Variants in CPSF4 observed in about 807,000 individuals in gnomAD.
CPSF4 encodes cleavage and polyadenylation specificity factor subunit 4.
Under a neutral mutation model 37.7 loss-of-function variants are expected in CPSF4, and 11 were observed. That is an observed-to-expected ratio of 0.29 (90% CI 0.18 to 0.48). The LOEUF is 0.48. Ranked by LOEUF, CPSF4 falls within the 20% of genes least tolerant of loss-of-function variation. CPSF4 has a pLI of 0.99. For missense variants in CPSF4, 144 were observed against 359.5 expected, an observed-to-expected ratio of 0.40 and a Z score of 4.85; for synonymous variants, 132 against 135.9, an observed-to-expected ratio of 0.97 and a Z score of 0.20.
At position 99,443,897 on chromosome 7, in the gene CPSF4, C is replaced by T. The variant is rs557594093; in HGVS notation, c.104-892C>T. On this transcript the variant is annotated intron_variant, in intron 1 of 7. Coordinates refer to ENST00000292476, the MANE Select transcript of CPSF4 (RefSeq NM_006693.4). ...TCGCACCACCACACTCTAGCCTGGG[C>T]GACAGAGCGAGACTCTGTCTCAAAA... Among the ~76,000 whole-genome samples the T allele has an allele frequency of 1.6e-4, 24 of 151,858 alleles. No individual in the cohort carries two copies. The South Asian group carries it at 2.1e-3, about 13-fold the overall frequency.
chr7:99,454,636 G>A (rs1798177368), intron 7 of CPSF4, among the ~76,000 whole-genome samples: 1 of 152,204 alleles, frequency 6.6e-6, no homozygotes, highest in Admixed American at 6.5e-5. Context: ...GGCTCTGTGG[G>A]AAGCGGGGAA....
At chr7:99,441,775 C>G (rs1056132473) in intron 1 of CPSF4, among the ~76,000 whole-genome samples, 1 of 152,240 alleles carries the variant, frequency 6.6e-6, no homozygotes, top group Admixed American at 6.5e-5. Flanking sequence ...TCACTGCAAC[C>G]TCTGCCTCTG....
Position 99,453,602 on chromosome 7 carries a change from AG to A in CPSF4, c.571-362del, listed in dbSNP as rs1376288983. 48 of 179,516 alleles carry A rather than the reference AG, an allele frequency of 2.7e-4. No individual in the cohort carries two copies. The Admixed American group carries it at 3.0e-3, about 11-fold the overall frequency. 11.1% of individuals were successfully genotyped at this position (179,516 alleles called of 1,614,324 possible). A position where few individuals can be genotyped will look rare whatever the true frequency, so the allele number is the denominator to read the frequency against. On this transcript the variant is annotated intron_variant, in intron 6 of 7. Transcript: ENST00000292476. This position sits in a 1 kb window ranked among gnomAD's most constrained non-coding sequence, Gnocchi z 4.7. ...TTTTTCTGTGACTTGCTCGCCGTGTAGGCTGCTAAACATCTGGCTGAACCAA... is the reference window on the plus strand; with the variant it reads ...TTTTTCTGTGACTTGCTCGCCGTGTAGCTGCTAAACATCTGGCTGAACCAA...
At chr7:99,441,406 G>A in intron 1 of CPSF4, 1 of 456,266 alleles carries the variant, frequency 2.2e-6, no homozygotes, top group South Asian at 1.5e-5. Flanking sequence ...CTGAGGCCCG[G>A]GACACACCTA....
At chr7:99,442,973 A>G (rs778202673) in intron 1 of CPSF4, 6 of 1,592,966 alleles carry the variant, frequency 3.8e-6, no homozygotes, top group Non-Finnish European at 5.2e-6. Flanking sequence ...TGACAATCCC[A>G]AATCGCTCCT....
chr7:99,454,151 T>C lies in CPSF4; in HGVS notation c.741+15T>C, dbSNP rs750869911. 1 of 1,608,732 alleles carries C rather than the reference T, an allele frequency of 6.2e-7. No homozygotes were observed. Among genetic ancestry groups the C allele is most frequent in the Non-Finnish European group, 8.5e-7 (1 of 1,176,656 alleles). Reference sequence around the variant, plus strand: ...CCTGTTACAAGGTGAGTCCCTGGGCTGGGGGACAGGGTGGGGTCTTCCCTT... The same window carrying C: ...CCTGTTACAAGGTGAGTCCCTGGGCCGGGGGACAGGGTGGGGTCTTCCCTT... On this transcript the variant is annotated intron_variant, in intron 7 of 7. Transcript: ENST00000292476.
At chr7:99,440,674 AT>A (rs1195402168) in intron 1 of CPSF4, among the ~76,000 whole-genome samples, 7,862 of 87,954 alleles carry the variant, frequency 0.089, 524 homozygotes, top group Non-Finnish European at 0.1. Context: ...ATATATATAT[AT>A]TTTTTTTTTT....
At chr7:99,446,552 C>T (rs985254373) in intron 2 of CPSF4, among the ~76,000 whole-genome samples, 4 of 151,832 alleles carry the variant, frequency 2.6e-5, no homozygotes, top group Admixed American at 6.6e-5. Context: ...AGAAGGGACA[C>T]GTCCCTCCAT....
intron 2 of CPSF4, among the ~76,000 whole-genome samples, chr7:99,445,158 G>A (rs888659868): frequency 1.5e-4 from 23 of 152,176 alleles, no homozygotes; most frequent in African/African-American, 5.6e-4. Context: ...GTTAATAAGC[G>A]GCAGAGCCCA....
intron 1 of CPSF4, chr7:99,443,229 G>T: frequency 1.3e-6 from 1 of 776,306 alleles, no homozygotes; most frequent in East Asian, 2.4e-5. Flanking sequence ...TGGTATTTCA[G>T]ATGTAATTTT....
rs756953755 is a variant in CPSF4, at chr7:99,448,284, T to C, written c.307+11T>C. 3.7e-6 allele frequency: 6 copies of C among 1,613,678 alleles called. No individual in the cohort carries two copies. The highest frequency in any genetic ancestry group is 1.3e-5 in the African/African-American group (1 of 75,054). ...TCTACTCCAAGTTCGGTAAGGCGCC[T>C]GGAGCCCTGGAGGCTCTGCTGAGAA... On this transcript the variant is annotated intron_variant, in intron 3 of 7. Coordinates refer to ENST00000292476, the MANE Select transcript of CPSF4 (RefSeq NM_006693.4). The surrounding 1 kb of genome is among the most constrained non-coding windows in gnomAD (Gnocchi z 4.4).
At chr7:99,445,731 A>G (rs1797438308) in intron 2 of CPSF4, among the ~76,000 whole-genome samples, 1 of 152,172 alleles carries the variant, frequency 6.6e-6, no homozygotes, top group Non-Finnish European at 1.5e-5. Context: ...TAAAAATTCA[A>G]AAATTAGCTG....
At chr7:99,444,911 A>C in intron 2 of CPSF4, 72 bp downstream of exon 2, 1 of 1,301,966 alleles carries the variant, frequency 7.7e-7, no homozygotes, top group Non-Finnish European at 1.1e-6. Flanking sequence ...GCAGACTTGG[A>C]GGCCGCCAGG....
intron 1 of CPSF4, among the ~76,000 whole-genome samples, chr7:99,440,674 A>ATATATATAT: frequency 2.2e-4 from 19 of 88,088 alleles, no homozygotes; most frequent in African/African-American, 1.7e-3. Flanking sequence ...ATATATATAT[A>ATATATATAT]TTTTTTTTTT....
intron 2 of CPSF4, among the ~76,000 whole-genome samples, chr7:99,445,264 G>A (rs961814849): frequency 3.3e-5 from 5 of 152,126 alleles, no homozygotes; most frequent in African/African-American, 4.8e-5. Context: ...CCCATCTTGC[G>A]GGGTCTTGTT....
chr7:99,442,798 CAAG>C, intron 1 of CPSF4: 1 of 766,598 alleles, frequency 1.3e-6, no homozygotes, highest in Middle Eastern at 2.3e-4. Flanking sequence ...CATTGCAAGG[CAAG>C]ACTGCATTTA....
intron 1 of CPSF4, chr7:99,441,570 T>C: frequency 2.2e-6 from 1 of 455,884 alleles, no homozygotes; most frequent in Non-Finnish European, 4.4e-6. Flanking sequence ...TGGGAAGAAC[T>C]GTCACTTTGC....
intron 2 of CPSF4, chr7:99,447,881 A>G: frequency 1.8e-6 from 1 of 567,910 alleles, no homozygotes; most frequent in South Asian, 1.6e-5. Flanking sequence ...AAGTGCTGGG[A>G]TTACCAGCGT....
intron 1 of CPSF4, chr7:99,442,886 G>C: frequency 8.3e-7 from 1 of 1,203,744 alleles, no homozygotes; most frequent in Non-Finnish European, 1.2e-6. Context: ...CCTTTCATCA[G>C]GCAATGCCAA....
Sources: gnomAD v4.1 joint callset for allele counts (sites outside exome capture counted in the v4.1 genomes callset) on GRCh38, gnomAD v4.1.1 for gene constraint, Gnocchi (gnomAD v3.1) non-coding constraint, MANE v1.5 for transcripts, NCBI Gene and HGNC (gene_info 2026-07-23, HGNC 2026-07-21) for gene names.